Variants in RASGRP3 observed in about 807,000 individuals in gnomAD.
The protein encoded by RASGRP3 is RAS guanyl releasing protein 3.
RASGRP3 carries 54 observed loss-of-function variants against 82.7 expected under a neutral mutation model. That is an observed-to-expected ratio of 0.65 (90% CI 0.52 to 0.82). The LOEUF is 0.82. Among genes scored for constraint, RASGRP3 ranks in the 40% least tolerant of loss-of-function variants. The pLI is 0.00. For missense variants in RASGRP3, 861 were observed against 828.9 expected (o/e 1.04, Z -0.48); for synonymous variants, 309 against 300.5 (o/e 1.03, Z -0.29).
At chr2:33,466,642 G>T (rs1235908797) in intron 2 of RASGRP3, among the ~76,000 whole-genome samples, 2 of 151,610 alleles carry the variant, frequency 1.3e-5, no homozygotes, top group Non-Finnish European at 2.9e-5. Context: ...CTGTGCCATT[G>T]CGCTGCCGTG....
Position 33,540,509 on chromosome 2 carries a change from T to A in RASGRP3, c.1278+1299T>A, listed in dbSNP as rs993568971. ...TCATTCTACATACTGACTTCCTCAG[T>A]CCACATGCGGAATTTCTCTCTCTCT... On this transcript the variant is annotated intron_variant, in intron 12 of 17. Transcript: ENST00000403687. Among the ~76,000 whole-genome samples the A allele has an allele frequency of 4.8e-4, 69 of 144,454 alleles. 6 individuals are homozygous for A. Among genetic ancestry groups the A allele is most frequent in the Middle Eastern group, 3.5e-3 (1 of 288 alleles). The allele number at this position is 144,454 out of a possible 152,430, so 94.8% of individuals were successfully genotyped here.
rs1272238519 is a variant in RASGRP3 at position 33,543,585 on chromosome 2, A to G, written c.1352A>G (p.Asn451Ser). 5.0e-6 allele frequency: 8 copies of G among 1,611,428 alleles called. No homozygotes were observed. Among genetic ancestry groups the G allele is most frequent in the South Asian group, 2.2e-5 (2 of 90,772 alleles). The change falls in exon 13 of 18, where the codon AAT (asparagine) becomes AGT (serine). Residue 451 changes from asparagine to serine, a missense_variant. Asn to Ser is a conservative substitution (Grantham distance 46). Transcript: ENST00000403687. ...SQEDFESIAA[N>S]FPFLDSFCVL... ...GAGGACTTTGAAAGTATAGCTGCCA[A>G]TTTTCCCTTCTTGGATTCCTTCTGT... is the stretch of plus-strand genomic sequence containing the variant.
chr2:33,467,690 A>G (rs1387938189), intron 2 of RASGRP3, among the ~76,000 whole-genome samples: 1 of 152,204 alleles, frequency 6.6e-6, no homozygotes, highest in Non-Finnish European at 1.5e-5. Flanking sequence ...AAATGGACCC[A>G]CAGCTTCAGG....
chr2:33,559,178 A>C, intron 17 of RASGRP3, 148 bp downstream of exon 17: 1 of 662,672 alleles, frequency 1.5e-6, no homozygotes, highest in Non-Finnish European at 2.5e-6. Context: ...TAGTCTTGCC[A>C]CTGCCTAGCT....
At chr2:33,475,069 A>G (rs1667276084), upstream of RASGRP3, among the ~76,000 whole-genome samples, 1 of 152,262 alleles carries the variant, frequency 6.6e-6, no homozygotes, top group Admixed American at 6.5e-5. Flanking sequence ...TCAAATCCTC[A>G]GTAGGCCTCT....
intron 2 of RASGRP3, among the ~76,000 whole-genome samples, chr2:33,513,265 T>G (rs1458257561): frequency 6.6e-6 from 1 of 152,218 alleles, no homozygotes; most frequent in Non-Finnish European, 1.5e-5. Context: ...AGGGCAAACA[T>G]TTTTTCCCCA....
In RASGRP3 at chr2:33,470,340, ATTG is replaced by A. The variant is rs1404668174; in HGVS notation, c.-261+22407_-261+22409del. Among the ~76,000 whole-genome samples, 9 of 151,204 alleles carry A rather than the reference ATTG, an allele frequency of 6.0e-5. No individual in the cohort carries two copies. In the South Asian group the frequency reaches 8.3e-4, roughly 14 times the overall value. On this transcript the variant is annotated intron_variant, in intron 2 of 18. Transcript: ENST00000402538. ...CACTTTTTTTATTCCTAGAAATGTT[ATTG>A]TTGTTGTTGCTATTATAAATAATAC...
intron 13 of RASGRP3, among the ~76,000 whole-genome samples, chr2:33,548,270 A>G (rs1237679483): frequency 7.0e-6 from 1 of 143,430 alleles, no homozygotes; most frequent in Non-Finnish European, 1.5e-5. Flanking sequence ...CTGAGGCAGG[A>G]GAATGGCGTG....
At position 33,564,195 on chromosome 2, in the gene RASGRP3, G is replaced by A. The variant is rs893467119; in HGVS notation, c.*1458G>A. On this transcript the variant is annotated 3_prime_UTR_variant, in exon 18 of 18. Coordinates refer to ENST00000403687, the MANE Select transcript of RASGRP3 (RefSeq NM_001139488.2). Reference sequence around the variant, plus strand: ...TATGCACAAAGTTAAGAAAAACTTGGTCTTAGCCCTTGGGAGCTGACAGCC... The same window carrying A: ...TATGCACAAAGTTAAGAAAAACTTGATCTTAGCCCTTGGGAGCTGACAGCC... The A allele has an allele frequency of 3.3e-5, 5 of 152,166 alleles. No individual in the cohort carries two copies. Among genetic ancestry groups the A allele is most frequent in the African/African-American group, 1.2e-4 (5 of 41,438 alleles). 9.4% of individuals were successfully genotyped at this position (152,166 alleles called of 1,614,324 possible). A position where few individuals can be genotyped will look rare whatever the true frequency, so the allele number is the denominator to read the frequency against.
At chr2:33,557,710 G>GAAA (rs59650410) in intron 15 of RASGRP3, among the ~76,000 whole-genome samples, 4 of 129,684 alleles carry the variant, frequency 3.1e-5, no homozygotes, top group Admixed American at 1.6e-4. Flanking sequence ...ACTCCATCTC[G>GAAA]AAAAAAAAAA....
intron 1 of RASGRP3, among the ~76,000 whole-genome samples, chr2:33,495,561 A>C (rs1456002555): frequency 6.6e-6 from 1 of 152,104 alleles, no homozygotes; most frequent in Non-Finnish European, 1.5e-5. Context: ...CCAGGAAGAT[A>C]TTATAATGAT....
At chr2:33,450,462 G>A (rs1366956690) in intron 2 of RASGRP3, among the ~76,000 whole-genome samples, 1 of 152,140 alleles carries the variant, frequency 6.6e-6, no homozygotes, top group African/African-American at 2.4e-5. Context: ...CACAAAAAAT[G>A]AGATCCTGCA....
chr2:33,479,902 A>G (rs6758325), intron 1 of RASGRP3, among the ~76,000 whole-genome samples: 19,961 of 152,108 alleles, frequency 0.13, 1,351 homozygotes, highest in African/African-American at 0.17. Context: ...ATCAACAGGG[A>G]ACCTTTTATT....
intron 2 of RASGRP3, among the ~76,000 whole-genome samples, chr2:33,453,582 T>A (rs370634768): frequency 1.3e-5 from 2 of 152,088 alleles, no homozygotes; most frequent in African/African-American, 4.8e-5. Context: ...GAGTGAGAGA[T>A]TCAAGAAACC....
intron 2 of RASGRP3, among the ~76,000 whole-genome samples, chr2:33,457,406 A>T (rs1183819310): frequency 6.6e-6 from 1 of 152,162 alleles, no homozygotes; most frequent in Non-Finnish European, 1.5e-5. Context: ...TGTAATAAAA[A>T]TGGGGCTAAA....
chr2:33,534,120 G>T, intron 10 of RASGRP3: 3 of 545,682 alleles, frequency 5.5e-6, no homozygotes, highest in Non-Finnish European at 6.6e-6. Flanking sequence ...GATGGTTCTC[G>T]TCAATACTGA....
rs146558562 is a variant in RASGRP3 at position 33,503,261 on chromosome 2, T to C, written c.-260-8449T>C. On this transcript the variant is annotated intron_variant, in intron 1 of 17. Coordinates refer to ENST00000403687, the MANE Select transcript of RASGRP3 (RefSeq NM_001139488.2). The stretch of plus-strand genomic sequence containing the variant: ...GGGCAGAGTCGTAGTATTTATCTCA[T>C]GTCAGAGATGATGAAAGTGAGCCTC... 5.8e-4 allele frequency among the ~76,000 whole-genome samples: 88 copies of C among 152,334 alleles called. 1 individual carries two copies. The East Asian group carries it at 7.7e-3, about 13-fold the overall frequency.
intron 1 of RASGRP3, among the ~76,000 whole-genome samples, chr2:33,505,293 G>C (rs545388143): frequency 1.3e-5 from 2 of 149,298 alleles, no homozygotes; most frequent in African/African-American, 5.1e-5. Context: ...TAGGACCGCA[G>C]ACAGGATTTT....
At chr2:33,510,478 G>A (rs1347445352) in intron 1 of RASGRP3, among the ~76,000 whole-genome samples, 2 of 152,172 alleles carry the variant, frequency 1.3e-5, no homozygotes, top group African/African-American at 2.4e-5. Flanking sequence ...TCCCTTGCTG[G>A]TGAGGCTGCT....
Sources: gnomAD v4.1 joint callset for allele counts (sites outside exome capture counted in the v4.1 genomes callset) on GRCh38, gnomAD v4.1.1 for gene constraint, MANE v1.5 for transcripts, NCBI Gene and HGNC (gene_info 2026-07-23, HGNC 2026-07-21) for gene names.